The following GXYLT2 variants were observed in gnomAD, a reference collection of about 807,000 sequenced individuals.
The protein encoded by GXYLT2 is glucoside xylosyltransferase 2.
A neutral mutation model predicts 45.8 loss-of-function variants in GXYLT2; 53 were observed. That is an observed-to-expected ratio of 1.16 (90% CI 0.93 to 1.46). The LOEUF (loss-of-function observed/expected upper bound fraction) is 1.46. Among genes scored for constraint, GXYLT2 ranks in the 40% most tolerant of loss-of-function variants. GXYLT2 has a pLI of 0.00. For synonymous variants in GXYLT2, 219 were observed against 214.2 expected (o/e 1.02, Z -0.19); for missense variants, 551 against 544.4 (o/e 1.01, Z -0.12).
At chr3:72,970,754 C>G (rs1037280311) in intron 6 of GXYLT2, among the ~76,000 whole-genome samples, 1 of 151,874 alleles carries the variant, frequency 6.6e-6, no homozygotes, top group Non-Finnish European at 1.5e-5. Context: ...CCCAGCTACT[C>G]GGGTGGCTGA....
At chr3:72,955,398 T>G (rs1388492171) in intron 4 of GXYLT2, 49 bp downstream of exon 4, 1 of 1,587,736 alleles carries the variant, frequency 6.3e-7, no homozygotes, top group East Asian at 2.2e-5. Context: ...GAGTTGGTCT[T>G]GTCAACAGTG....
chr3:72,920,799 CATATAT>C (rs377277874), intron 2 of GXYLT2, among the ~76,000 whole-genome samples: 2 of 144,428 alleles, frequency 1.4e-5, no homozygotes, highest in African/African-American at 5.2e-5. Flanking sequence ...AATGTACATG[CATATAT>C]ATATATATAT....
chr3:72,895,185 C>A (rs1709264610), intron 1 of GXYLT2, among the ~76,000 whole-genome samples: 1 of 152,170 alleles, frequency 6.6e-6, no homozygotes, highest in African/African-American at 2.4e-5. Context: ...CTCATGAAAA[C>A]CAAGATGATA....
At position 72,966,584 on chromosome 3, in the gene GXYLT2, G is replaced by T. The variant is rs530206035; in HGVS notation, c.977-963G>T. ...AAGGAATCCTGCCAAGTAGCTTCAA[G>T]TGTGCCACCATGCCTGGCTAATTTA... is the stretch of plus-strand genomic sequence containing the variant. On this transcript the variant is annotated intron_variant, in intron 5 of 6. Transcript: ENST00000389617. 8.8e-5 allele frequency among the ~76,000 whole-genome samples: 13 copies of T among 147,548 alleles called. No homozygotes were observed. The South Asian group carries it at 2.6e-3, about 30-fold the overall frequency.
At chr3:72,908,609 A>G (rs1709554724) in intron 2 of GXYLT2, 50 bp downstream of exon 2, 7 of 1,396,746 alleles carry the variant, frequency 5.0e-6, no homozygotes, top group East Asian at 4.6e-5. Context: ...CAAACAGACT[A>G]CATTTTAGGA....
At chr3:72,928,482 CAGGCCA>C (rs1709959991) in intron 3 of GXYLT2, among the ~76,000 whole-genome samples, 1 of 152,184 alleles carries the variant, frequency 6.6e-6, no homozygotes, top group Non-Finnish European at 1.5e-5. Context: ...TTGGGAGGCA[CAGGCCA>C]TCAGCATTTC....
At chr3:72,960,153 C>T (rs941902212) in intron 5 of GXYLT2, among the ~76,000 whole-genome samples, 3 of 152,138 alleles carry the variant, frequency 2.0e-5, no homozygotes, top group Admixed American at 6.6e-5. Flanking sequence ...CCACCATGCC[C>T]AGGTAATTTT....
intron 3 of GXYLT2, among the ~76,000 whole-genome samples, chr3:72,939,841 C>T (rs1280182422): frequency 6.6e-6 from 1 of 152,088 alleles, no homozygotes; most frequent in African/African-American, 2.4e-5. Context: ...ACCACCACAC[C>T]TGGCTAATTT....
intron 5 of GXYLT2, among the ~76,000 whole-genome samples, chr3:72,961,898 A>G (rs1039278122): frequency 2.0e-5 from 3 of 152,194 alleles, no homozygotes; most frequent in Non-Finnish European, 4.4e-5. Context: ...GCAGGGCATC[A>G]GGCTAGCGTA....
At chr3:72,922,771 T>C (rs1709853421) in intron 3 of GXYLT2, among the ~76,000 whole-genome samples, 1 of 152,224 alleles carries the variant, frequency 6.6e-6, no homozygotes, top group African/African-American at 2.4e-5. Flanking sequence ...TCCAGAATTT[T>C]GGTTTAGTCT....
intron 6 of GXYLT2, among the ~76,000 whole-genome samples, chr3:72,972,147 T>C (rs1710997770): frequency 6.6e-6 from 1 of 152,084 alleles, no homozygotes; most frequent in Non-Finnish European, 1.5e-5. Context: ...CAGGTGCTCA[T>C]AGACATCCTA....
At chr3:72,945,362 G>GTGTAAAT (rs1710384512) in intron 3 of GXYLT2, among the ~76,000 whole-genome samples, 1 of 152,192 alleles carries the variant, frequency 6.6e-6, no homozygotes, top group Non-Finnish European at 1.5e-5. Flanking sequence ...TCCTTAGCTT[G>GTGTAAAT]TGTAAATATT....
At chr3:72,943,840 CCATTGAGAGCAT>C (rs1368875656) in intron 3 of GXYLT2, among the ~76,000 whole-genome samples, 1 of 151,604 alleles carries the variant, frequency 6.6e-6, no homozygotes, top group Non-Finnish European at 1.5e-5. Context: ...TTGCACCTTT[CCATTGAGAGCAT>C]CATTTTTTTT....
chr3:72,922,151 T>C (rs1709842529), intron 2 of GXYLT2, 53 bp from the exon 3 acceptor site: 1 of 1,552,638 alleles, frequency 6.4e-7, no homozygotes, highest in Non-Finnish European at 8.7e-7. Context: ...CGCAGGCATT[T>C]TCCATATTTC....
chr3:72,944,589 A>G (rs1322420334), intron 3 of GXYLT2, among the ~76,000 whole-genome samples: 1 of 152,038 alleles, frequency 6.6e-6, no homozygotes, highest in Non-Finnish European at 1.5e-5. Flanking sequence ...TTCTCTTGGC[A>G]CAAAAAGAGT....
intron 3 of GXYLT2, among the ~76,000 whole-genome samples, chr3:72,931,994 A>C (rs1710046297): frequency 6.6e-6 from 1 of 152,202 alleles, no homozygotes; most frequent in African/African-American, 2.4e-5. Context: ...AAGCAATACT[A>C]TGAATAATTG....
chr3:72,975,926 CTTTTTTTTTT>C lies in GXYLT2; in HGVS notation c.*781_*790del, dbSNP rs200250227. ...GGGTATTTCTTCTTTTTCTTTCTTT[CTTTTTTTTTT>C]TTTTTTTTTTTTTGAGACGGAATCT... On this transcript the variant is annotated 3_prime_UTR_variant, in exon 7 of 7. Coordinates refer to ENST00000389617, the MANE Select transcript of GXYLT2 (RefSeq NM_001080393.2). 1 of 119,538 alleles carries C rather than the reference CTTTTTTTTTT, an allele frequency of 8.4e-6. No individual in the cohort carries two copies. Among genetic ancestry groups the C allele is most frequent in the Non-Finnish European group, 1.7e-5 (1 of 58,104 alleles). 7.4% of individuals were successfully genotyped at this position (119,538 alleles called of 1,614,324 possible).
intron 2 of GXYLT2, among the ~76,000 whole-genome samples, chr3:72,921,552 CCGA>C (rs1319324411): frequency 1.2e-4 from 18 of 152,130 alleles, no homozygotes; most frequent in African/African-American, 4.3e-4. Flanking sequence ...TCTCAGCCTC[CCGA>C]GTAGCTGGGA....
chr3:72,967,558 G>A lies in GXYLT2; in HGVS notation c.988G>A (p.Val330Ile), dbSNP rs1286300963. The A allele has an allele frequency of 1.9e-6, 3 of 1,613,390 alleles. No homozygotes were observed. Among genetic ancestry groups the A allele is most frequent in the Admixed American group, 1.7e-5 (1 of 59,966 alleles). Reference sequence around the variant, plus strand: ...CTTTTTACCACCAGAGTGTCTCTATGTATTCCCCTGCCAGTGGAACTACCG... The same window carrying A: ...CTTTTTACCACCAGAGTGTCTCTATATATTCCCCTGCCAGTGGAACTACCG... The part of the protein sequence containing the change: ...IFYFNPECLY[V>I]FPCQWNYRPD... Residue 330 changes from valine (V) to isoleucine (I), a missense_variant, in exon 6 of 7, where the codon GTA becomes ATA. By Grantham distance (29) the Val-to-Ile change is conservative. Transcript: ENST00000389617.
Sources: gnomAD v4.1 joint callset for allele counts (sites outside exome capture counted in the v4.1 genomes callset) on GRCh38, gnomAD v4.1.1 for gene constraint, MANE v1.5 for transcripts, NCBI Gene and HGNC (gene_info 2026-07-23, HGNC 2026-07-21) for gene names.